Variants in DOCK5 observed in about 807,000 individuals in gnomAD.
DOCK5 encodes the protein dedicator of cytokinesis 5, also known as dedicator of cytokinesis protein 5.
In DOCK5, 142 loss-of-function variants were observed where a neutral mutation model predicts 251.8. That is an observed-to-expected ratio of 0.56 (90% CI 0.49 to 0.65). The LOEUF is 0.65. Ranked by LOEUF, DOCK5 falls within the 30% of genes least tolerant of loss-of-function variation. The pLI is 0.00. For synonymous variants in DOCK5, 842 were observed against 835.5 expected (o/e 1.01, Z -0.13); for missense variants, 2,111 against 2,312.3 (o/e 0.91, Z 1.79).
chr8:25,291,783 T>G (rs1391113696), intron 5 of DOCK5, among the ~76,000 whole-genome samples: 2 of 147,596 alleles, frequency 1.4e-5, no homozygotes, highest in African/African-American at 5.0e-5. Context: ...TGAGACCCTG[T>G]CTCTACTTGA....
intron 1 of DOCK5, among the ~76,000 whole-genome samples, chr8:25,207,162 G>A (rs1384647137): frequency 1.3e-5 from 2 of 152,014 alleles, no homozygotes; most frequent in East Asian, 1.9e-4. Flanking sequence ...TTTATTGATC[G>A]ACCATAAGAT....
At chr8:25,382,067 GCAGTGGTGCAGT>G (rs1303610089) in intron 39 of DOCK5, among the ~76,000 whole-genome samples, 3 of 152,114 alleles carry the variant, frequency 2.0e-5, no homozygotes, top group African/African-American at 7.2e-5. Context: ...AGGCTGGAGT[GCAGTGGTGCAGT>G]CATAGCCCAC....
At chr8:25,328,540 T>G (rs1805615736) in intron 18 of DOCK5, among the ~76,000 whole-genome samples, 1 of 152,202 alleles carries the variant, frequency 6.6e-6, no homozygotes, top group African/African-American at 2.4e-5. Context: ...ATCAGCTAAT[T>G]CTGTGAGGGT....
chr8:25,282,577 G>A (rs1373603836), intron 5 of DOCK5, among the ~76,000 whole-genome samples: 1 of 152,082 alleles, frequency 6.6e-6, no homozygotes, highest in Admixed American at 6.6e-5. Context: ...AAAGACACCT[G>A]TGGCCAGCTA....
intron 16 of DOCK5, among the ~76,000 whole-genome samples, chr8:25,322,705 G>A (rs1032677756): frequency 6.6e-5 from 10 of 152,168 alleles, no homozygotes; most frequent in African/African-American, 2.4e-4. Context: ...TATACACAAA[G>A]AAACTAAGGC....
chr8:25,281,820 A>G (rs1460620647), intron 5 of DOCK5, among the ~76,000 whole-genome samples: 1 of 148,498 alleles, frequency 6.7e-6, no homozygotes, highest in Non-Finnish European at 1.5e-5. Context: ...CGGAGGTTGC[A>G]GTGAGCCAAG....
At position 25,268,874 on chromosome 8, in the gene DOCK5, A is replaced by G. The variant is rs1336230387; in HGVS notation, c.157A>G (p.Lys53Glu). ...GTACAGAGGATATACCCTCCAAAAT[A>G]AATCTAAAAAGGTATGACTTATCAT... The part of the protein sequence containing the change: ...GWYRGYTLQN[K>E]SKKGIFPETY... The change falls in exon 3 of 52, where the codon AAA becomes GAA. Residue 53 changes from lysine to glutamate, a missense_variant. Lys to Glu is a moderately conservative substitution (Grantham distance 56, BLOSUM62 1). This residue lies in a region of DOCK5 where 335 missense variants were observed against 324.9 expected (regional missense o/e 1.03). Coordinates refer to ENST00000276440, the MANE Select transcript of DOCK5 (RefSeq NM_024940.8). 6.4e-7 allele frequency: 1 copy of G among 1,558,688 alleles called. No homozygotes were observed. Among genetic ancestry groups the G allele is most frequent in the Non-Finnish European group, 8.6e-7 (1 of 1,157,444 alleles).
chr8:25,288,773 G>A (rs2117146056), intron 5 of DOCK5, among the ~76,000 whole-genome samples: 1 of 152,178 alleles, frequency 6.6e-6, no homozygotes, highest in East Asian at 1.9e-4. Flanking sequence ...AAAATGAAAT[G>A]GAAACATTTT....
chr8:25,221,028 C>T (rs1024768188), intron 1 of DOCK5, among the ~76,000 whole-genome samples: 2 of 152,086 alleles, frequency 1.3e-5, no homozygotes, highest in African/African-American at 4.8e-5. Flanking sequence ...TCTCAAATTT[C>T]CCTGTTTCTT....
intron 1 of DOCK5, among the ~76,000 whole-genome samples, chr8:25,237,088 C>T (rs980964627): frequency 3.9e-5 from 6 of 152,052 alleles, no homozygotes; most frequent in African/African-American, 7.2e-5. Context: ...ATTACTTGGC[C>T]GGACTGGATG....
Position 25,235,753 on chromosome 8 carries a change from C to T in DOCK5, c.44-7921C>T, listed in dbSNP as rs1300193056. Among the ~76,000 whole-genome samples the T allele has an allele frequency of 5.3e-5, 8 of 151,180 alleles. No homozygotes were observed. The South Asian group carries it at 1.7e-3, about 32-fold the overall frequency. On this transcript the variant is annotated intron_variant, in intron 1 of 51. Coordinates refer to ENST00000276440, the MANE Select transcript of DOCK5 (RefSeq NM_024940.8). ...TCAAGATATTTATCTATTCCCTTCA[C>T]AAATATATGTAATCTTTAAGATAGA...
Position 25,400,943 on chromosome 8 carries a change from A to T in DOCK5, c.4803A>T (p.Thr1601=), listed in dbSNP as rs900570723. Residue 1601 remains threonine (T), a synonymous_variant, in exon 47 of 52, where the codon ACA becomes ACT. Coordinates refer to ENST00000276440, the MANE Select transcript of DOCK5 (RefSeq NM_024940.8). ...CTTCTTTCCAGATGCCCCTGCTAAC[A>T]GAAGGGATCCGCATCCATGGGGAGA... is the stretch of plus-strand genomic sequence containing the variant. ...RLIALQMPLL[T]EGIRIHGEKL... 1.1e-5 allele frequency: 17 copies of T among 1,613,860 alleles called. No individual in the cohort carries two copies. In the African/African-American group the frequency reaches 2.3e-4, roughly 22 times the overall value.
chr8:25,356,193 C>T lies in DOCK5; in HGVS notation c.2851-2770C>T, dbSNP rs556064297. ...CCAGCCTGGTGACAGAGCGAGACTC[C>T]GTCTCGAAAAAAACAAAAAATACAT... On this transcript the variant is annotated intron_variant, in intron 27 of 51. Coordinates refer to ENST00000276440, the MANE Select transcript of DOCK5 (RefSeq NM_024940.8). Among the ~76,000 whole-genome samples, 53 of 152,032 alleles carry T rather than the reference C, an allele frequency of 3.5e-4. No individual in the cohort carries two copies. The South Asian group carries it at 3.5e-3, about 10-fold the overall frequency.
intron 1 of DOCK5, among the ~76,000 whole-genome samples, chr8:25,199,094 T>A (rs114307347): frequency 0.012 from 1,783 of 152,282 alleles, 38 homozygotes; most frequent in African/African-American, 0.04. Context: ...CACCGTGGTA[T>A]TGACATGACA....
At chr8:25,339,031 T>C (rs1044629900) in intron 22 of DOCK5, among the ~76,000 whole-genome samples, 2 of 152,110 alleles carry the variant, frequency 1.3e-5, no homozygotes, top group Non-Finnish European at 2.9e-5. Flanking sequence ...CTGCGTGTGG[T>C]TACTTTTCCC....
At position 25,275,525 on chromosome 8, in the gene DOCK5, T is replaced by TA. The variant is rs1175392873; in HGVS notation, c.224+85dup. 4 of 1,315,376 alleles carry TA rather than the reference T, an allele frequency of 3.0e-6. No individual in the cohort carries two copies. The African/African-American group carries it at 5.9e-5, about 20-fold the overall frequency. The allele number at this position is 1,315,376 out of a possible 1,614,324, so 81.5% of individuals were successfully genotyped here. Reference sequence around the variant, plus strand: ...TGATAATCTTTAGGCATTAATGCCTTATGTACGTTAATAGTTCTCTCATCT... The same window carrying TA: ...TGATAATCTTTAGGCATTAATGCCTTAATGTACGTTAATAGTTCTCTCATCT... On this transcript the variant is annotated intron_variant, in intron 4 of 51. Transcript: ENST00000276440.
At chr8:25,268,191 C>T (rs976915980) in intron 2 of DOCK5, among the ~76,000 whole-genome samples, 8 of 152,024 alleles carry the variant, frequency 5.3e-5, no homozygotes, top group Non-Finnish European at 1.2e-4. Context: ...AAAGCCTTTA[C>T]CTAAAGCCTC....
chr8:25,254,254 C>A (rs1232245937), intron 2 of DOCK5, among the ~76,000 whole-genome samples: 2 of 151,956 alleles, frequency 1.3e-5, no homozygotes, highest in African/African-American at 4.8e-5. Flanking sequence ...AATTCAAGAC[C>A]TAAATGTAAA....
chr8:25,252,607 T>C (rs1237453121), intron 2 of DOCK5, among the ~76,000 whole-genome samples: 2 of 152,202 alleles, frequency 1.3e-5, no homozygotes, highest in Non-Finnish European at 2.9e-5. Context: ...TGTTTGACCT[T>C]TACCTTAAGT....
Sources: gnomAD v4.1 joint callset for allele counts (sites outside exome capture counted in the v4.1 genomes callset) on GRCh38, gnomAD v4.1.1 for gene constraint, gnomAD v4.1.1 regional missense constraint, MANE v1.5 for transcripts, NCBI Gene and HGNC (gene_info 2026-07-23, HGNC 2026-07-21) for gene names.